The following ADGRA2 variants were observed in gnomAD, a reference collection of about 807,000 sequenced individuals.
ADGRA2 encodes the protein adhesion G protein-coupled receptor A2.
A neutral mutation model predicts 98.7 loss-of-function variants in ADGRA2; 61 were observed. That is an observed-to-expected ratio of 0.62 (90% CI 0.50 to 0.76). ADGRA2 has a LOEUF of 0.76. Among genes scored for constraint, ADGRA2 ranks in the 30% least tolerant of loss-of-function variants. The pLI is 0.00. For missense variants in ADGRA2, 1,712 were observed against 1,860.0 expected, an observed-to-expected ratio of 0.92 and a Z score of 1.46; for synonymous variants, 858 against 831.5, an observed-to-expected ratio of 1.03 and a Z score of -0.55.
At chr8:37,805,296 C>T (rs1483916158) in intron 1 of ADGRA2, among the ~76,000 whole-genome samples, 1 of 152,242 alleles carries the variant, frequency 6.6e-6, no homozygotes, top group Non-Finnish European at 1.5e-5. Context: ...TCTGTCCTTA[C>T]AGTCTCCTGG....
At chr8:37,838,876 G>A (rs2130052744) in intron 14 of ADGRA2, 80 bp from the exon 15 acceptor site, 2 of 1,482,234 alleles carry the variant, frequency 1.3e-6, no homozygotes, top group East Asian at 4.6e-5. Flanking sequence ...AGGCTGACGG[G>A]GCCTGGGAAG....
intron 2 of ADGRA2, among the ~76,000 whole-genome samples, chr8:37,816,952 AC>A (rs1804999725): frequency 6.6e-6 from 1 of 151,172 alleles, no homozygotes; most frequent in Admixed American, 6.6e-5. Flanking sequence ...ACACACACAC[AC>A]ACACACACAC....
At chr8:37,822,346 A>C (rs1805149342) in intron 2 of ADGRA2, among the ~76,000 whole-genome samples, 1 of 151,400 alleles carries the variant, frequency 6.6e-6, no homozygotes, top group Admixed American at 6.6e-5. Flanking sequence ...GGCCAGAGGG[A>C]GCTGACTCTC....
chr8:37,841,165 T>A lies in ADGRA2; in HGVS notation c.2827T>A (p.Phe943Ile). Residue 943 changes from phenylalanine to isoleucine, a missense_variant, in exon 19 of 19, where the codon TTC becomes ATC. Coordinates refer to ENST00000412232, the MANE Select transcript of ADGRA2 (RefSeq NM_032777.10). The surrounding 1 kb of genome is among the most constrained non-coding windows in gnomAD (Gnocchi z 5.0). ...ALILLITWIY[F>I]LCAGLRLRGP... ...GATTCTGCTCATCACCTGGATCTATTTCCTGTGCGCCGGGCTACGCTTACG... is the reference window on the plus strand; with the variant it reads ...GATTCTGCTCATCACCTGGATCTATATCCTGTGCGCCGGGCTACGCTTACG... 1 of 1,612,966 alleles carries A rather than the reference T, an allele frequency of 6.2e-7. No homozygotes were observed. Among genetic ancestry groups the A allele is most frequent in the African/African-American group, 1.3e-5 (1 of 75,056 alleles).
At position 37,841,548 on chromosome 8, in the gene ADGRA2, T is replaced by C; in HGVS notation, c.3210T>C (p.Cys1070=). 1.2e-6 allele frequency: 2 copies of C among 1,611,614 alleles called. No homozygotes were observed. Among genetic ancestry groups the C allele is most frequent in the African/African-American group, 1.3e-5 (1 of 75,028 alleles). Residue 1070 remains cysteine (C), a synonymous_variant, in exon 19 of 19, where the codon TGT becomes TGC. Transcript: ENST00000412232. This position sits in a 1 kb window ranked among gnomAD's most constrained non-coding sequence, Gnocchi z 5.0. The stretch of plus-strand genomic sequence containing the variant: ...GCCTCTTCGTCTTCACTCACCACTG[T>C]GCCAGGCGGAGGGACGTGAGAGCCT... ...ALGLFVFTHH[C]ARRRDVRASW...
chr8:37,842,377 G>A lies in ADGRA2; in HGVS notation c.*22G>A. 2.1e-6 allele frequency: 3 copies of A among 1,449,814 alleles called. No homozygotes were observed. Among genetic ancestry groups the A allele is most frequent in the Non-Finnish European group, 2.7e-6 (3 of 1,103,466 alleles). 89.8% of individuals were successfully genotyped at this position (1,449,814 alleles called of 1,614,324 possible). A position where few individuals can be genotyped will look rare whatever the true frequency, so the allele number is the denominator to read the frequency against. ...CTAAGGTGGGGCGGGCGACGCGGTA[G>A]ACGGGCTGGCCACGCGGCTCGTTCC... On this transcript the variant is annotated 3_prime_UTR_variant, in exon 19 of 19. Transcript: ENST00000412232.
chr8:37,830,629 C>CCACA lies in ADGRA2; in HGVS notation c.719-81_719-80insCACA. 2 of 714,564 alleles carry CCACA rather than the reference C, an allele frequency of 2.8e-6. No homozygotes were observed. Among genetic ancestry groups the CCACA allele is most frequent in the South Asian group, 1.7e-5 (1 of 59,246 alleles). The allele number at this position is 714,564 out of a possible 1,614,324, so 44.3% of individuals were successfully genotyped here. A position where few individuals can be genotyped will look rare whatever the true frequency, so the allele number is the denominator to read the frequency against. On this transcript the variant is annotated intron_variant, in intron 6 of 18. Transcript: ENST00000412232. This position sits in a 1 kb window ranked among gnomAD's most constrained non-coding sequence, Gnocchi z 4.8. ...CCGAGGGCCCCGCCCCGCCCCACCC[C>CCACA]ATCCTGCTGGACTCTCGCTCACACG...
intron 2 of ADGRA2, among the ~76,000 whole-genome samples, chr8:37,818,197 G>A (rs572401742): frequency 5.9e-5 from 9 of 152,242 alleles, no homozygotes; most frequent in African/African-American, 1.7e-4. Context: ...AAGGCAAGCC[G>A]CAGTGGTCTC....
intron 2 of ADGRA2, among the ~76,000 whole-genome samples, chr8:37,816,971 CACACATAG>C (rs1805000853): frequency 7.0e-6 from 1 of 143,224 alleles, no homozygotes; most frequent in Non-Finnish European, 1.5e-5. Context: ...CACACACACA[CACACATAG>C]ATTAGGGCTC....
rs941542928 is a variant in ADGRA2, at chr8:37,828,921, G to T, written c.372G>T (p.Gln124His). The T allele has an allele frequency of 1.9e-6, 3 of 1,593,436 alleles. No individual in the cohort carries two copies. Among genetic ancestry groups the T allele is most frequent in the African/African-American group, 2.7e-5 (2 of 74,218 alleles). The change falls in exon 3 of 19, where the codon CAG becomes CAT. Residue 124 changes from glutamine (Q) to histidine (H), a missense_variant. Gln to His is a conservative substitution (Grantham distance 24). Coordinates refer to ENST00000412232, the MANE Select transcript of ADGRA2 (RefSeq NM_032777.10). ...GGAACAACATCATCAGCACAGTGCA[G>T]CCGGGCGCCTTCCTGGGCCTGGGGG... ...DLRNNIISTV[Q>H]PGAFLGLGEL...
At chr8:37,820,575 A>G (rs946804191) in intron 2 of ADGRA2, among the ~76,000 whole-genome samples, 1 of 152,252 alleles carries the variant, frequency 6.6e-6, no homozygotes, top group African/African-American at 2.4e-5. Context: ...TCAAACTCAG[A>G]TGTCTAGGCT....
intron 2 of ADGRA2, among the ~76,000 whole-genome samples, chr8:37,827,057 C>T (rs1563346288): frequency 1.3e-5 from 2 of 152,232 alleles, no homozygotes; most frequent in Admixed American, 6.5e-5. Context: ...CCTGCTGCCT[C>T]ACAATCTCCT....
rs940078198 is a variant in ADGRA2 at position 37,797,228 on chromosome 8, C to T, written c.-41C>T. 3.3e-6 allele frequency: 4 copies of T among 1,208,262 alleles called. No homozygotes were observed. Among genetic ancestry groups the T allele is most frequent in the Non-Finnish European group, 3.1e-6 (3 of 973,534 alleles). The allele number at this position is 1,208,262 out of a possible 1,614,324, so 74.8% of individuals were successfully genotyped here. On this transcript the variant is annotated 5_prime_UTR_variant, in exon 1 of 19. Transcript: ENST00000412232. This position sits in a 1 kb window ranked among gnomAD's most constrained non-coding sequence, Gnocchi z 5.3. ...CTGGGTCCCTCCGGCCGGCGCGCAG[C>T]CCGGCCCCAGCGCTGTGGGTCCCCG...
chr8:37,817,685 CAA>C (rs951188500), intron 2 of ADGRA2, among the ~76,000 whole-genome samples: 32 of 151,204 alleles, frequency 2.1e-4, no homozygotes, highest in Non-Finnish European at 3.2e-4. Context: ...CCAGCTTGGG[CAA>C]AAGAGTGAGA....
At chr8:37,827,433 A>C (rs1381714373) in intron 2 of ADGRA2, among the ~76,000 whole-genome samples, 1 of 152,184 alleles carries the variant, frequency 6.6e-6, no homozygotes, top group Non-Finnish European at 1.5e-5. Context: ...TCTCCTCAGC[A>C]CTGTCCCTGC....
At position 37,844,421 on chromosome 8, in the gene ADGRA2, C is replaced by T. The variant is rs866378460; in HGVS notation, c.*2066C>T. The T allele has an allele frequency of 3.4e-5, 54 of 1,565,552 alleles. No individual in the cohort carries two copies. The African/African-American group carries it at 6.1e-4, about 18-fold the overall frequency. ...ATACCTACGGACTGGTGTACACTTC[C>T]ATCCTTGGTTATAACAGGAATGTTA... On this transcript the variant is annotated 3_prime_UTR_variant, in exon 19 of 19. Coordinates refer to ENST00000412232, the MANE Select transcript of ADGRA2 (RefSeq NM_032777.10).
rs747918746 is a variant in ADGRA2, at chr8:37,835,380, G to A, written c.1815G>A (p.Leu605=). The A allele has an allele frequency of 9.9e-6, 16 of 1,611,040 alleles. No individual in the cohort carries two copies. Among genetic ancestry groups the A allele is most frequent in the Non-Finnish European group, 1.3e-5 (15 of 1,179,718 alleles). Residue 605 remains leucine (L), a synonymous_variant, in exon 12 of 19, where the codon CTG becomes CTA. Coordinates refer to ENST00000412232, the MANE Select transcript of ADGRA2 (RefSeq NM_032777.10). The part of the protein sequence containing the change: ...RCTTGRPNVS[L]SSFHIKNSVA... ...CCACCGGGAGGCCCAATGTTTCTCT[G>A]TCGTCCTTCCACATCAAGGTGGGCG... is the stretch of plus-strand genomic sequence containing the variant.
rs2130033233 is a variant in ADGRA2, at chr8:37,835,286, G to A, written c.1721G>A (p.Gly574Glu). 6.2e-7 allele frequency: 1 copy of A among 1,613,794 alleles called. No homozygotes were observed. Among genetic ancestry groups the A allele is most frequent in the African/African-American group, 1.3e-5 (1 of 75,032 alleles). Residue 574 changes from glycine to glutamate, a missense_variant, in exon 12 of 19, where the codon GGA (glycine) becomes GAA (glutamate). Physicochemically the swap from Gly to Glu is moderately conservative, Grantham distance 98. Coordinates refer to ENST00000412232, the MANE Select transcript of ADGRA2 (RefSeq NM_032777.10). ...GGAGGGGTGCCGGGCACACGGCCAG[G>A]AAGCCCTGGCCAGAACCCCCCACCT... is the stretch of plus-strand genomic sequence containing the variant. ...REGGVPGTRP[G>E]SPGQNPPPEP...
At position 37,814,286 on chromosome 8, in the gene ADGRA2, C is replaced by T. The variant is rs1340562683; in HGVS notation, c.267-610C>T. ...GAGGCTGAGGCTGAGGCCTGGCTTCCCCTACACTCGGGGCTCCATTGGCTT... is the reference window on the plus strand; with the variant it reads ...GAGGCTGAGGCTGAGGCCTGGCTTCTCCTACACTCGGGGCTCCATTGGCTT... On this transcript the variant is annotated intron_variant, in intron 1 of 18. Coordinates refer to ENST00000412232, the MANE Select transcript of ADGRA2 (RefSeq NM_032777.10). The surrounding 1 kb of genome is among the most constrained non-coding windows in gnomAD (Gnocchi z 4.3). Among the ~76,000 whole-genome samples, 1 of 152,226 alleles carries T rather than the reference C, an allele frequency of 6.6e-6. No homozygotes were observed. Among genetic ancestry groups the T allele is most frequent in the African/African-American group, 2.4e-5 (1 of 41,456 alleles).
Sources: allele counts gnomAD v4.1 joint callset (sites outside exome capture counted in the v4.1 genomes callset), GRCh38; gene constraint gnomAD v4.1.1; non-coding constraint Gnocchi (gnomAD v3.1); transcripts MANE v1.5; gene names NCBI Gene and HGNC (gene_info 2026-07-23, HGNC 2026-07-21).